The following PRKCB variants were observed in gnomAD, a reference collection of about 807,000 sequenced individuals.
PRKCB encodes the protein protein kinase C beta type.
Under a neutral mutation model 81.5 loss-of-function variants are expected in PRKCB, and 13 were observed. The observed-to-expected ratio is 0.16, with a 90% confidence interval of 0.10 to 0.25. The LOEUF is 0.25. Ranked by LOEUF, PRKCB falls within the 10% of genes least tolerant of loss-of-function variation. The pLI is 1.00. For missense variants in PRKCB, 509 were observed against 875.7 expected (o/e 0.58, Z 5.29); for synonymous variants, 335 against 321.4 (o/e 1.04, Z -0.45).
intron 3 of PRKCB, among the ~76,000 whole-genome samples, chr16:23,997,070 A>G (rs1050765520): frequency 6.6e-6 from 1 of 152,210 alleles, no homozygotes; most frequent in African/African-American, 2.4e-5. Flanking sequence ...TGGAGGTCTC[A>G]GTTCCAGAGG....
At chr16:24,174,700 T>A in intron 12 of PRKCB, 120 bp downstream of exon 12, 2 of 946,952 alleles carry the variant, frequency 2.1e-6, no homozygotes, top group African/African-American at 1.6e-5. Flanking sequence ...CCTCCAGAAC[T>A]AACTTGGGCA....
chr16:24,126,329 G>A (rs573862193), intron 9 of PRKCB, among the ~76,000 whole-genome samples: 1 of 152,306 alleles, frequency 6.6e-6, no homozygotes, highest in South Asian at 2.1e-4. Context: ...TGATGATGAG[G>A]AAGAAAGTGG....
chr16:24,125,787 C>T (rs937256587), intron 9 of PRKCB, among the ~76,000 whole-genome samples: 3 of 152,168 alleles, frequency 2.0e-5, no homozygotes, highest in Non-Finnish European at 4.4e-5. Context: ...CAAGGGCATC[C>T]ACTGAGATGG....
intron 5 of PRKCB, among the ~76,000 whole-genome samples, chr16:24,084,674 G>C: frequency 6.6e-6 from 1 of 152,010 alleles, no homozygotes; most frequent in East Asian, 1.9e-4. Flanking sequence ...AAATTGCTCA[G>C]CCCACATTTT....
intron 2 of PRKCB, among the ~76,000 whole-genome samples, chr16:23,882,016 T>TTCTCTTTCTTTCTTTCTTTCTTTC (rs1194795758): frequency 1.1e-5 from 1 of 93,848 alleles, no homozygotes; most frequent in African/African-American, 4.2e-5. Flanking sequence ...CTTTCTTTCT[T>TTCTCTTTCTTTCTTTCTTTCTTTC]TCTTTCTTCC....
chr16:23,952,489 G>A (rs1964296849), intron 2 of PRKCB, among the ~76,000 whole-genome samples: 2 of 152,090 alleles, frequency 1.3e-5, no homozygotes, highest in South Asian at 4.2e-4. Context: ...GAGATGAGGG[G>A]GTGTTTAGAA....
intron 3 of PRKCB, among the ~76,000 whole-genome samples, chr16:24,003,933 C>G (rs1005160117): frequency 6.6e-6 from 1 of 152,136 alleles, no homozygotes; most frequent in Admixed American, 6.5e-5. Flanking sequence ...AAAAAGTAAA[C>G]TACAAGCCAG....
Position 23,861,048 on chromosome 16 carries a change from G to A in PRKCB, c.205+23642G>A, listed in dbSNP as rs937705401. On this transcript the variant is annotated intron_variant, in intron 2 of 16. Coordinates refer to ENST00000643927, the MANE Select transcript of PRKCB (RefSeq NM_002738.7). The stretch of plus-strand genomic sequence containing the variant: ...AGAATGAAGCAATCTCAGACTCAGA[G>A]CTATGTACCTGCTAGAATTTAATAA... 5.9e-5 allele frequency among the ~76,000 whole-genome samples: 9 copies of A among 152,258 alleles called. No individual in the cohort carries two copies. The Middle Eastern group carries it at 0.014, about 230-fold the overall frequency.
intron 3 of PRKCB, among the ~76,000 whole-genome samples, chr16:24,021,018 TTCTTTCTTTCTTTCTTTCTTTC>T (rs1965362524): frequency 2.2e-5 from 3 of 134,534 alleles, no homozygotes; most frequent in Admixed American, 7.3e-5. Flanking sequence ...CTTTCTTTCT[TTCTTTCTTTCTTTCTTTCTTTC>T]TCTTTCTTTC....
At chr16:23,956,979 T>TAA (rs10714409) in intron 2 of PRKCB, among the ~76,000 whole-genome samples, 715 of 45,984 alleles carry the variant, frequency 0.016, 69 homozygotes, top group African/African-American at 0.058. Flanking sequence ...CTATAGGCAG[T>TAA]AAAAAAAAAA....
intron 14 of PRKCB, 22 bp downstream of exon 14, chr16:24,185,213 G>T (rs764752711): frequency 3.4e-5 from 54 of 1,597,614 alleles, no homozygotes; most frequent in Non-Finnish European, 4.4e-5. Context: ...TTAAGTGATC[G>T]ATAAGAGAAG....
chr16:24,200,039 G>A (rs955144335), intron 16 of PRKCB, among the ~76,000 whole-genome samples: 1 of 152,186 alleles, frequency 6.6e-6, no homozygotes, highest in African/African-American at 2.4e-5. Flanking sequence ...CAACAAATAA[G>A]TAGCATCTTC....
intron 8 of PRKCB, among the ~76,000 whole-genome samples, chr16:24,116,308 G>A (rs1312856395): frequency 6.6e-6 from 1 of 152,026 alleles, no homozygotes; most frequent in East Asian, 1.9e-4. Context: ...TATAATCCCA[G>A]CACTTTGGGA....
chr16:24,003,200 A>G (rs910541976), intron 3 of PRKCB, among the ~76,000 whole-genome samples: 8 of 151,748 alleles, frequency 5.3e-5, no homozygotes, highest in Non-Finnish European at 1.0e-4. Context: ...CTTTCATTGA[A>G]CCTTTCTTAA....
At chr16:24,164,585 GT>G (rs1166264178) in intron 10 of PRKCB, among the ~76,000 whole-genome samples, 1 of 152,168 alleles carries the variant, frequency 6.6e-6, no homozygotes, top group Non-Finnish European at 1.5e-5. Context: ...GGAGTTGACG[GT>G]GGAACACCCA....
At chr16:23,909,280 G>A (rs1963614852) in intron 2 of PRKCB, among the ~76,000 whole-genome samples, 1 of 152,122 alleles carries the variant, frequency 6.6e-6, no homozygotes, top group Non-Finnish European at 1.5e-5. Flanking sequence ...TCTATCACAA[G>A]TGCTTTCATT....
intron 16 of PRKCB, among the ~76,000 whole-genome samples, chr16:24,202,075 G>A (rs1053544116): frequency 6.6e-6 from 1 of 151,936 alleles, no homozygotes; most frequent in African/African-American, 2.4e-5. Flanking sequence ...TAAAGCCACT[G>A]TCACTAGAAG....
intron 3 of PRKCB, among the ~76,000 whole-genome samples, chr16:24,021,072 C>CTCCTTCCT: frequency 6.4e-4 from 60 of 94,454 alleles, no homozygotes; most frequent in Non-Finnish European, 9.9e-4. Flanking sequence ...CCCTCCCTCC[C>CTCCTTCCT]TTCTTTCTTT....
chr16:24,006,510 G>C (rs1965123633), intron 3 of PRKCB, among the ~76,000 whole-genome samples: 1 of 152,168 alleles, frequency 6.6e-6, no homozygotes, highest in Non-Finnish European at 1.5e-5. Context: ...CCATGTTGGT[G>C]GTTCTACTAG....
Sources: allele counts gnomAD v4.1 joint callset (sites outside exome capture counted in the v4.1 genomes callset), GRCh38; gene constraint gnomAD v4.1.1; transcripts MANE v1.5; gene names NCBI Gene and HGNC (gene_info 2026-07-23, HGNC 2026-07-21).